POU2F3: variants seen among roughly 807,000 people sequenced by gnomAD.
The protein encoded by POU2F3 is POU domain, class 2, transcription factor 3.
In POU2F3, 23 loss-of-function variants were observed where a neutral mutation model predicts 59.2. The ratio of observed to expected loss-of-function variants is 0.39; its 90% CI spans 0.28 to 0.55. The LOEUF is 0.55. POU2F3 is among the 20% of genes least tolerant of loss of function. POU2F3 has a pLI of 0.66. For synonymous variants in POU2F3, 190 were observed against 214.6 expected, an observed-to-expected ratio of 0.89 and a Z score of 1.00; for missense variants, 473 against 544.5, an observed-to-expected ratio of 0.87 and a Z score of 1.31.
At chr11:120,290,056 A>G (rs1940966163) in intron 3 of POU2F3, among the ~76,000 whole-genome samples, 1 of 152,216 alleles carries the variant, frequency 6.6e-6, no homozygotes, top group South Asian at 2.1e-4. Flanking sequence ...CATTCACGCC[A>G]CACAGAAGAC....
chr11:120,311,854 T>C (rs1226147692), intron 10 of POU2F3, among the ~76,000 whole-genome samples: 1 of 151,962 alleles, frequency 6.6e-6, no homozygotes, highest in Admixed American at 6.6e-5. Flanking sequence ...TTTTGCAAGA[T>C]GGGCAAAGGA....
upstream of POU2F3, among the ~76,000 whole-genome samples, chr11:120,238,426 G>A (rs1938553707): frequency 6.6e-6 from 1 of 151,982 alleles, no homozygotes; most frequent in South Asian, 2.1e-4. Flanking sequence ...CCTGTTGTGT[G>A]CCCAGCCCTG....
rs1390354047 is a variant in POU2F3 at position 120,246,425 on chromosome 11, A to G, written c.29-24A>G. The G allele has an allele frequency of 2.5e-6, 4 of 1,613,168 alleles. No individual in the cohort carries two copies. In the Admixed American group the frequency reaches 6.7e-5, roughly 27 times the overall value. On this transcript the variant is annotated intron_variant, in intron 1 of 12. Coordinates refer to ENST00000543440, the MANE Select transcript of POU2F3 (RefSeq NM_014352.4). ...CAAGAAAAATTGTGACCTGTTATTA[A>G]AATCAGTTGTGTTTTCCCTGCAGAT... is the stretch of plus-strand genomic sequence containing the variant.
intron 9 of POU2F3, 150 bp downstream of exon 9, chr11:120,307,765 C>T (rs1046041431): frequency 9.2e-7 from 1 of 1,082,222 alleles, no homozygotes; most frequent in Non-Finnish European, 1.3e-6. Flanking sequence ...TCCAGGCGCC[C>T]AGGTATTGGA....
chr11:120,252,846 C>A (rs1269558587), intron 2 of POU2F3, among the ~76,000 whole-genome samples: 1 of 152,144 alleles, frequency 6.6e-6, no homozygotes. Context: ...TTGGCTAGCC[C>A]TGCCCGACAC....
At chr11:120,271,639 A>G (rs2135201419) in intron 3 of POU2F3, among the ~76,000 whole-genome samples, 1 of 152,128 alleles carries the variant, frequency 6.6e-6, no homozygotes, top group East Asian at 1.9e-4. Context: ...GGCCCATGTG[A>G]TTTGTTGGAA....
At position 120,318,552 on chromosome 11, in the gene POU2F3, G is replaced by A. The variant is rs61898346; in HGVS notation, c.*160G>A. 0.074 allele frequency: 51,317 copies of A among 693,786 alleles called. 2,249 individuals carry two copies. Among genetic ancestry groups the A allele is most frequent in the South Asian group, 0.11 (6,029 of 53,416 alleles). 43.0% of individuals were successfully genotyped at this position (693,786 alleles called of 1,614,324 possible). ...GTCTTCTTCAAGAGCAAGGGCCTCC[G>A]GAGATCCAAACTGTGATTGAACCAA... On this transcript the variant is annotated 3_prime_UTR_variant, in exon 13 of 13. Coordinates refer to ENST00000543440, the MANE Select transcript of POU2F3 (RefSeq NM_014352.4).
At chr11:120,249,579 C>T (rs1044264800) in intron 2 of POU2F3, among the ~76,000 whole-genome samples, 1 of 152,168 alleles carries the variant, frequency 6.6e-6, no homozygotes, top group African/African-American at 2.4e-5. Context: ...AGAATATAGC[C>T]TTACCCATAT....
chr11:120,316,777 C>T (rs1374860074), intron 11 of POU2F3, among the ~76,000 whole-genome samples: 1 of 152,202 alleles, frequency 6.6e-6, no homozygotes. Context: ...TTTGTGGAGA[C>T]TGGAGAACTA....
chr11:120,282,589 G>A (rs1940614897), intron 3 of POU2F3, among the ~76,000 whole-genome samples: 2 of 152,196 alleles, frequency 1.3e-5, no homozygotes, highest in African/African-American at 4.8e-5. Flanking sequence ...CTGAGAGGCA[G>A]AGCTTGCAGT....
chr11:120,236,693 C>G (rs898979961), upstream of POU2F3: 44 of 1,505,180 alleles, frequency 2.9e-5, no homozygotes, highest in Middle Eastern at 1.0e-3. Context: ...CCAAGAACTG[C>G]TAAAGGAGGA....
At chr11:120,286,853 G>A (rs2135249663) in intron 3 of POU2F3, among the ~76,000 whole-genome samples, 1 of 152,012 alleles carries the variant, frequency 6.6e-6, no homozygotes, top group East Asian at 1.9e-4. Context: ...TGTCCGCGCA[G>A]AGTATTAGCT....
chr11:120,267,565 G>A (rs924301012), intron 2 of POU2F3, among the ~76,000 whole-genome samples: 4 of 131,684 alleles, frequency 3.0e-5, no homozygotes, highest in African/African-American at 6.9e-5. Context: ...TCAGAGATGC[G>A]TCATGACCTC....
chr11:120,288,165 T>G (rs1591419689), intron 3 of POU2F3, among the ~76,000 whole-genome samples: 1 of 102,184 alleles, frequency 9.8e-6, no homozygotes, highest in Admixed American at 1.2e-4. Flanking sequence ...AAAAGGGCAG[T>G]CTGGGGCCAT....
At chr11:120,311,893 G>A (rs1020370927) in intron 10 of POU2F3, among the ~76,000 whole-genome samples, 8 of 152,160 alleles carry the variant, frequency 5.3e-5, no homozygotes, top group African/African-American at 1.9e-4. Context: ...CTGAGAAGGA[G>A]GGACCAGAAA....
chr11:120,317,961 C>T (rs1202575707), intron 12 of POU2F3, among the ~76,000 whole-genome samples: 2 of 152,076 alleles, frequency 1.3e-5, no homozygotes, highest in African/African-American at 4.8e-5. Context: ...GACCTGAGTT[C>T]GTCAGAAAAG....
At position 120,302,270 on chromosome 11, in the gene POU2F3, C is replaced by T; in HGVS notation, c.362-16C>T. 1 of 1,578,460 alleles carries T rather than the reference C, an allele frequency of 6.3e-7. No homozygotes were observed. Among genetic ancestry groups the T allele is most frequent in the Non-Finnish European group, 8.7e-7 (1 of 1,148,150 alleles). On this transcript the variant is annotated splice_polypyrimidine_tract_variant and intron_variant, in intron 5 of 12. Coordinates refer to ENST00000543440, the MANE Select transcript of POU2F3 (RefSeq NM_014352.4). ...ATTTTATTTGTCTGTTCCTTTGTCC[C>T]TCCCCTTTCACCCAGGTCTGCAGCC...
chr11:120,313,827 G>A (rs573672171), intron 10 of POU2F3, among the ~76,000 whole-genome samples: 17 of 152,144 alleles, frequency 1.1e-4, no homozygotes, highest in South Asian at 1.0e-3. Flanking sequence ...CAGCCTGGCC[G>A]ACGTGGCAAA....
chr11:120,248,941 G>A (rs1435284996), intron 2 of POU2F3, among the ~76,000 whole-genome samples: 9 of 152,184 alleles, frequency 5.9e-5, no homozygotes, highest in Admixed American at 5.9e-4. Context: ...GGTTTTAAAG[G>A]AACTATAAAC....
Sources: allele counts gnomAD v4.1 joint callset (sites outside exome capture counted in the v4.1 genomes callset), GRCh38; gene constraint gnomAD v4.1.1; transcripts MANE v1.5; gene names NCBI Gene and HGNC (gene_info 2026-07-23, HGNC 2026-07-21).